The following RHOBTB1 variants were observed in gnomAD, a reference collection of about 807,000 sequenced individuals.
The protein encoded by RHOBTB1 is Rho related BTB domain containing 1, also known as rho-related BTB domain-containing protein 1.
In RHOBTB1, 40 loss-of-function variants were observed where a neutral mutation model predicts 71.6. The ratio of observed to expected loss-of-function variants is 0.56; its 90% CI spans 0.43 to 0.73. The LOEUF is 0.73. Among genes scored for constraint, RHOBTB1 ranks in the 30% least tolerant of loss-of-function variants. The pLI is 0.00. For missense variants in RHOBTB1, 797 were observed against 894.0 expected (o/e 0.89, Z 1.38); for synonymous variants, 319 against 334.9 (o/e 0.95, Z 0.52).
intron 2 of RHOBTB1, among the ~76,000 whole-genome samples, chr10:60,960,401 TC>T (rs1331676645): frequency 1.3e-5 from 2 of 152,194 alleles, no homozygotes; most frequent in Non-Finnish European, 2.9e-5. Context: ...GACATGTGGA[TC>T]TTGCCAGTTG....
At chr10:60,908,970 A>G (rs1470640791) in intron 4 of RHOBTB1, among the ~76,000 whole-genome samples, 5 of 152,202 alleles carry the variant, frequency 3.3e-5, no homozygotes, top group African/African-American at 9.7e-5. Flanking sequence ...TGTTTCTATC[A>G]AAGGGATAAT....
rs746902854 is a variant in RHOBTB1, at chr10:60,910,903, G to A, written c.280C>T (p.Arg94Cys). The change falls in exon 4 of 11, where the codon CGC (arginine) becomes TGC (cysteine). Residue 94 changes from arginine (R) to cysteine (C), a missense_variant. Arg to Cys is a radical substitution (Grantham distance 180, BLOSUM62 -3). Around this residue, in one of 2 missense-constraint regions of RHOBTB1, gnomAD observed 139 missense variants for 212.5 expected, o/e 0.65. Transcript: ENST00000337910. Reference sequence around the variant, plus strand: ...TTGGTTTACCTGCCATATGCAAAGCGTCTGTCTTTGTGATGATCACCAAAA... The same window carrying A: ...TTGGTTTACCTGCCATATGCAAAGCATCTGTCTTTGTGATGATCACCAAAA... ...DTFGDHHKDR[R>C]FAYGRSDVVV... 1 of 1,613,478 alleles carries A rather than the reference G, an allele frequency of 6.2e-7. No homozygotes were observed. Among genetic ancestry groups the A allele is most frequent in the African/African-American group, 1.3e-5 (1 of 74,886 alleles).
At chr10:60,925,573 A>C (rs1457355413) in intron 2 of RHOBTB1, among the ~76,000 whole-genome samples, 1 of 152,150 alleles carries the variant, frequency 6.6e-6, no homozygotes, top group Non-Finnish European at 1.5e-5. Context: ...AGAATTAATA[A>C]AGATCGGAGC....
At chr10:60,998,625 G>A (rs954859123) in intron 1 of RHOBTB1, among the ~76,000 whole-genome samples, 3 of 152,136 alleles carry the variant, frequency 2.0e-5, no homozygotes, top group Admixed American at 6.6e-5. Context: ...GGGAAGGAAG[G>A]GGGTGGAAAA....
intron 7 of RHOBTB1, among the ~76,000 whole-genome samples, chr10:60,885,415 C>G (rs991369139): frequency 2.0e-5 from 3 of 152,184 alleles, no homozygotes; most frequent in African/African-American, 7.2e-5. Flanking sequence ...CAGGGGCTGA[C>G]AAGTGATGTA....
At chr10:60,889,541 TC>T (rs1256951365) in intron 5 of RHOBTB1, among the ~76,000 whole-genome samples, 1 of 152,220 alleles carries the variant, frequency 6.6e-6, no homozygotes, top group East Asian at 1.9e-4. Context: ...TGACCTTTTA[TC>T]CTATTATTTT....
chr10:60,868,901 C>A (rs569327249), downstream of RHOBTB1, among the ~76,000 whole-genome samples: 15 of 152,212 alleles, frequency 9.9e-5, no homozygotes, highest in Non-Finnish European at 1.6e-4. Context: ...GTGGTCAGCA[C>A]CTTCCCATAC....
chr10:60,992,408 G>A (rs554043361), intron 1 of RHOBTB1, among the ~76,000 whole-genome samples: 26 of 152,242 alleles, frequency 1.7e-4, no homozygotes, highest in African/African-American at 5.8e-4. Flanking sequence ...ACAAGGGGAG[G>A]AATGAAGGAC....
intron 2 of RHOBTB1, among the ~76,000 whole-genome samples, chr10:60,915,841 C>G (rs1010122891): frequency 6.6e-6 from 1 of 152,176 alleles, no homozygotes; most frequent in African/African-American, 2.4e-5. Flanking sequence ...GTTCTTGGGC[C>G]TACAGGATGG....
chr10:60,955,147 C>T (rs556493625), intron 2 of RHOBTB1, among the ~76,000 whole-genome samples: 11 of 150,676 alleles, frequency 7.3e-5, no homozygotes, highest in East Asian at 2.0e-4. Context: ...TGGGTTCAAG[C>T]GATCCTCCTG....
rs566553554 is a variant in RHOBTB1 at position 60,970,567 on chromosome 10, A to G, written c.-62+15278T>C. Among the ~76,000 whole-genome samples the G allele has an allele frequency of 1.3e-3, 202 of 152,236 alleles. 2 individuals carry two copies. The highest frequency in any genetic ancestry group is 4.6e-3 in the African/African-American group (193 of 41,572). On this transcript the variant is annotated intron_variant, in intron 2 of 11. Coordinates refer to the RHOBTB1 transcript ENST00000357917. Reference sequence around the variant, plus strand: ...TACCTGAGGAACTAATAAATTTTTGATAAAAATAGTTCACTATGAAACTTT... The same window carrying G: ...TACCTGAGGAACTAATAAATTTTTGGTAAAAATAGTTCACTATGAAACTTT...
In RHOBTB1 at chr10:60,888,670, C is replaced by T; in HGVS notation, c.998G>A (p.Arg333Lys). Reference protein sequence around the residue: ...RILSVDPEEEREEGPPRIPQA... With the variant: ...RILSVDPEEEKEEGPPRIPQA... ...AGGAATCCTAGGCGGGCCCTCCTCC[C>T]TTTCTTCCTCTGGGTCGACACTCAA... Residue 333 changes from arginine to lysine, a missense_variant, in exon 6 of 11, where the codon AGG becomes AAG. Arg to Lys is a conservative substitution (Grantham distance 26, BLOSUM62 2). Coordinates refer to ENST00000337910, the MANE Select transcript of RHOBTB1 (RefSeq NM_014836.5). The T allele has an allele frequency of 6.2e-7, 1 of 1,614,236 alleles. No individual in the cohort carries two copies. Among genetic ancestry groups the T allele is most frequent in the East Asian group, 2.2e-5 (1 of 44,876 alleles).
intron 2 of RHOBTB1, among the ~76,000 whole-genome samples, chr10:60,964,867 T>A (rs1281035210): frequency 6.6e-6 from 1 of 152,176 alleles, no homozygotes; most frequent in Non-Finnish European, 1.5e-5. Flanking sequence ...TTCAACCTTC[T>A]TTATAAAAAT....
At chr10:60,863,541 T>G in the RHOBTB1 span, among the ~76,000 whole-genome samples, 1 of 138,280 alleles carries the variant, frequency 7.2e-6, no homozygotes, top group African/African-American at 3.2e-5. Context: ...TCACATCCCC[T>G]TTTTTTTTTG....
chr10:60,905,449 C>CAAAAAAAAAAA (rs35538782), intron 4 of RHOBTB1, among the ~76,000 whole-genome samples: 1 of 48,974 alleles, frequency 2.0e-5, no homozygotes, highest in African/African-American at 7.8e-5. Flanking sequence ...GACTCTTTCT[C>CAAAAAAAAAAA]AAAAAAAAAA....
Position 60,871,477 on chromosome 10 carries a change from C to T in RHOBTB1, c.*5G>A, listed in dbSNP as rs1400951628. On this transcript the variant is annotated 3_prime_UTR_variant, in exon 11 of 11. Transcript: ENST00000337910. ...TTCTGTTTTTTGTTTTTTTTCTCTT[C>T]CTCTTCAGGCCACTGCTGGAGATGA... 9 of 1,605,498 alleles carry T rather than the reference C, an allele frequency of 5.6e-6. No homozygotes were observed. Among genetic ancestry groups the T allele is most frequent in the Admixed American group, 5.2e-5 (3 of 58,190 alleles).
At chr10:60,911,246 T>C in intron 3 of RHOBTB1, 105 bp downstream of exon 3, 1 of 1,168,124 alleles carries the variant, frequency 8.6e-7, no homozygotes, top group East Asian at 2.6e-5. Flanking sequence ...AGGTTAGTTT[T>C]GTTTTGAATG....
chr10:60,862,526 C>T, the RHOBTB1 span, among the ~76,000 whole-genome samples: 1 of 104,846 alleles, frequency 9.5e-6, no homozygotes, highest in East Asian at 3.1e-4. Context: ...GTCTCTCTCT[C>T]CCTTTCTTTC....
chr10:60,887,290 G>C (rs183737288), intron 6 of RHOBTB1, among the ~76,000 whole-genome samples: 1 of 152,320 alleles, frequency 6.6e-6, no homozygotes, highest in East Asian at 1.9e-4. Flanking sequence ...GCTTTAAAAT[G>C]AATGAACTGA....
Sources: gnomAD v4.1 joint callset for allele counts (sites outside exome capture counted in the v4.1 genomes callset) on GRCh38, gnomAD v4.1.1 for gene constraint, gnomAD v4.1.1 regional missense constraint, MANE v1.5 for transcripts, NCBI Gene and HGNC (gene_info 2026-07-23, HGNC 2026-07-21) for gene names.